HABP4: variants seen among roughly 807,000 people sequenced by gnomAD.
HABP4 encodes hyaluronan binding protein 4.
A neutral mutation model predicts 44.1 loss-of-function variants in HABP4; 32 were observed. The ratio of observed to expected loss-of-function variants is 0.73; its 90% confidence interval spans 0.55 to 0.97. The LOEUF is 0.97. Among genes scored for constraint, HABP4 ranks in the 50% least tolerant of loss-of-function variants. The probability of loss-of-function intolerance (pLI) is 0.00; values close to 1 mark genes in which losing one functional copy is unlikely to be tolerated. For missense variants in HABP4, 503 were observed against 561.9 expected, an observed-to-expected ratio of 0.90 and a Z score of 1.06; for synonymous variants, 216 against 218.0, an observed-to-expected ratio of 0.99 and a Z score of 0.08.
At chr9:96,463,357 C>T (rs1201724905) in intron 2 of HABP4, among the ~76,000 whole-genome samples, 1 of 152,100 alleles carries the variant, frequency 6.6e-6, no homozygotes, top group African/African-American at 2.4e-5. Flanking sequence ...TGGGTTCAAG[C>T]GATTCTCCTG....
At chr9:96,455,534 C>T (rs1338362828) in intron 1 of HABP4, among the ~76,000 whole-genome samples, 2 of 149,942 alleles carry the variant, frequency 1.3e-5, no homozygotes, top group Admixed American at 6.7e-5. Context: ...GAGGCTGAGG[C>T]GGGTGGATCA....
At chr9:96,460,929 CTT>C (rs1250589960) in intron 2 of HABP4, among the ~76,000 whole-genome samples, 8 of 152,160 alleles carry the variant, frequency 5.3e-5, no homozygotes, top group Non-Finnish European at 1.0e-4. Flanking sequence ...TAAAAACACT[CTT>C]AATAAATAAA....
chr9:96,467,488 TTCTC>T (rs1832621871), intron 4 of HABP4, among the ~76,000 whole-genome samples: 1 of 151,388 alleles, frequency 6.6e-6, no homozygotes, highest in Non-Finnish European at 1.5e-5. Context: ...CTTTCTTTCT[TTCTC>T]TTTCTCTTTT....
chr9:96,468,874 A>G (rs936028005), intron 4 of HABP4, among the ~76,000 whole-genome samples: 1 of 152,206 alleles, frequency 6.6e-6, no homozygotes, highest in Non-Finnish European at 1.5e-5. Context: ...AAAATGATGT[A>G]TGCGAAGGAG....
intron 2 of HABP4, among the ~76,000 whole-genome samples, chr9:96,461,572 G>A (rs573402297): frequency 2.0e-5 from 3 of 152,106 alleles, no homozygotes; most frequent in South Asian, 4.2e-4. Flanking sequence ...TCCCAGCGCC[G>A]TTTATGACAT....
intron 1 of HABP4, among the ~76,000 whole-genome samples, chr9:96,457,819 G>A (rs989494901): frequency 6.6e-6 from 1 of 152,200 alleles, no homozygotes. Flanking sequence ...AGTGAGCCAA[G>A]ATTAAACAGT....
intron 2 of HABP4, among the ~76,000 whole-genome samples, chr9:96,464,134 G>T (rs1438123571): frequency 6.6e-6 from 1 of 152,152 alleles, no homozygotes; most frequent in Non-Finnish European, 1.5e-5. Flanking sequence ...GAGTGGCTTG[G>T]GCTCTCGCTC....
At position 96,489,930 on chromosome 9, in the gene HABP4, C is replaced by T. The variant is rs368414676; in HGVS notation, c.1186-52C>T. The T allele has an allele frequency of 6.8e-4, 754 of 1,104,514 alleles. 2 individuals are homozygous for T. The African/African-American group carries it at 7.5e-3, about 11-fold the overall frequency. 68.4% of individuals were successfully genotyped at this position (1,104,514 alleles called of 1,614,324 possible). A position where few individuals can be genotyped will look rare whatever the true frequency, so the allele number is the denominator to read the frequency against. On this transcript the variant is annotated intron_variant, in intron 7 of 7. Coordinates refer to ENST00000375249, the MANE Select transcript of HABP4 (RefSeq NM_014282.4). ...GGCCCTTGTTATCCCACTGGGATATCGGGAATGGATGAAGGGGCAGTGGAT... is the reference window on the plus strand; with the variant it reads ...GGCCCTTGTTATCCCACTGGGATATTGGGAATGGATGAAGGGGCAGTGGAT...
Position 96,490,036 on chromosome 9 carries a change from T to G in HABP4, c.1240T>G (p.Ter414GlyextTer40). The part of the protein sequence containing the change: ...DDPEDFPALS[*>G] ...CCCGGAAGATTTCCCTGCGCTGTCT[T>G]GAAAGAGCCCTGTTTCCCAGCACCG... Residue 414 changes from the stop codon to glycine, a stop_lost, in exon 8 of 8, where the codon TGA becomes GGA. Coordinates refer to ENST00000375249, the MANE Select transcript of HABP4 (RefSeq NM_014282.4). The G allele has an allele frequency of 6.3e-7, 1 of 1,588,372 alleles. No individual in the cohort carries two copies. Among genetic ancestry groups the G allele is most frequent in the Non-Finnish European group, 8.6e-7 (1 of 1,156,382 alleles).
At chr9:96,483,245 G>A (rs529610740) in intron 5 of HABP4, 1 of 152,090 alleles carries the variant, frequency 6.6e-6, no homozygotes, top group Non-Finnish European at 1.5e-5. Context: ...AGCTAATGAT[G>A]TGCAACATCT....
chr9:96,469,605 C>T (rs928935306), intron 4 of HABP4, among the ~76,000 whole-genome samples: 3 of 152,052 alleles, frequency 2.0e-5, no homozygotes, highest in African/African-American at 7.2e-5. Context: ...TCACTGCAAC[C>T]TCCGCCTCCC....
At chr9:96,455,457 C>CAAAA (rs34929442) in intron 1 of HABP4, among the ~76,000 whole-genome samples, 4 of 62,988 alleles carry the variant, frequency 6.4e-5, no homozygotes, top group African/African-American at 1.0e-4. Context: ...GAGACTGTCT[C>CAAAA]AAAAAAAAAA....
In HABP4 at chr9:96,488,332, C is replaced by G; in HGVS notation, c.1185+58C>G. On this transcript the variant is annotated intron_variant, in intron 7 of 7. Transcript: ENST00000375249. The surrounding 1 kb of genome is among the most constrained non-coding windows in gnomAD (Gnocchi z 4.6). The stretch of plus-strand genomic sequence containing the variant: ...AGTTAATAAGGACAGTGCCCTGGGC[C>G]CAGGATGGTCTAATTTCAGAGGGTC... 8.5e-7 allele frequency: 1 copy of G among 1,176,370 alleles called. No homozygotes were observed. The highest frequency in any genetic ancestry group is 1.2e-6 in the Non-Finnish European group (1 of 829,858). 72.9% of individuals were successfully genotyped at this position (1,176,370 alleles called of 1,614,324 possible). A position where few individuals can be genotyped will look rare whatever the true frequency, so the allele number is the denominator to read the frequency against.
intron 4 of HABP4, among the ~76,000 whole-genome samples, chr9:96,466,160 G>A (rs1286705842): frequency 6.6e-6 from 1 of 151,988 alleles, no homozygotes; most frequent in Non-Finnish European, 1.5e-5. Context: ...ACTTGAGGTC[G>A]GGAGTTTGAG....
chr9:96,452,152 A>G (rs1832294554), intron 1 of HABP4, among the ~76,000 whole-genome samples: 2 of 150,166 alleles, frequency 1.3e-5, no homozygotes, highest in South Asian at 2.1e-4. Flanking sequence ...GCGTGAACCC[A>G]GGAGGCGGAG....
intron 2 of HABP4, among the ~76,000 whole-genome samples, chr9:96,463,669 T>A (rs952887703): frequency 2.4e-4 from 37 of 152,238 alleles, no homozygotes; most frequent in Non-Finnish European, 5.9e-5. Flanking sequence ...CTTGGAGAAT[T>A]TATTTAAGTT....
intron 5 of HABP4, among the ~76,000 whole-genome samples, chr9:96,479,730 C>T (rs1832844835): frequency 6.6e-6 from 1 of 151,872 alleles, no homozygotes. Flanking sequence ...AGGCCTGTGT[C>T]GATCTCCTGA....
At chr9:96,459,915 CT>C (rs1832469888) in intron 2 of HABP4, among the ~76,000 whole-genome samples, 1 of 152,112 alleles carries the variant, frequency 6.6e-6, no homozygotes, top group South Asian at 2.1e-4. Context: ...AATTTTGCAC[CT>C]TTTTTGGTGA....
chr9:96,489,632 A>G (rs1391188308), intron 7 of HABP4, among the ~76,000 whole-genome samples: 1 of 152,220 alleles, frequency 6.6e-6, no homozygotes, highest in Non-Finnish European at 1.5e-5. Flanking sequence ...CAGTTTCTCC[A>G]GCACCGTGAG....
Sources: allele counts gnomAD v4.1 joint callset (sites outside exome capture counted in the v4.1 genomes callset), GRCh38; gene constraint gnomAD v4.1.1; non-coding constraint Gnocchi (gnomAD v3.1); transcripts MANE v1.5; gene names NCBI Gene and HGNC (gene_info 2026-07-23, HGNC 2026-07-21).